IQUB: variants seen among roughly 807,000 people sequenced by gnomAD.
The protein encoded by IQUB is IQ motif and ubiquitin-like domain-containing protein.
Under a neutral mutation model 86.4 loss-of-function variants are expected in IQUB, and 86 were observed. That is an observed-to-expected ratio of 1.00 (90% CI 0.84 to 1.19). The LOEUF is 1.19. IQUB is among the 50% of genes most tolerant of loss of function. The probability of loss-of-function intolerance (pLI) is 0.00; values close to 1 mark genes in which losing one functional copy is unlikely to be tolerated. For missense variants in IQUB, 946 were observed against 916.9 expected, an observed-to-expected ratio of 1.03 and a Z score of -0.41; for synonymous variants, 289 against 304.5, an observed-to-expected ratio of 0.95 and a Z score of 0.53.
intron 8 of IQUB, among the ~76,000 whole-genome samples, chr7:123,475,367 A>G (rs934985332): frequency 1.5e-5 from 2 of 129,470 alleles, no homozygotes; most frequent in Admixed American, 9.0e-5. Context: ...AAATTTCTCC[A>G]TTTCACTTTT....
At chr7:123,481,839 A>C (rs1306338583) in intron 7 of IQUB, among the ~76,000 whole-genome samples, 1 of 152,160 alleles carries the variant, frequency 6.6e-6, no homozygotes, top group Non-Finnish European at 1.5e-5. Context: ...AATATTTTAA[A>C]TAGTGCAGAA....
chr7:123,508,803 T>C (rs1796298883), intron 3 of IQUB, among the ~76,000 whole-genome samples: 1 of 152,158 alleles, frequency 6.6e-6, no homozygotes, highest in African/African-American at 2.4e-5. Flanking sequence ...GTTTCTTGAG[T>C]TTTGGGTTTC....
At chr7:123,480,079 A>G in intron 7 of IQUB, 109 bp from the exon 8 acceptor site, 2 of 781,984 alleles carry the variant, frequency 2.6e-6, no homozygotes, top group Non-Finnish European at 4.0e-6. Context: ...AAAAGTATAC[A>G]CAGATAGAAT....
intron 10 of IQUB, 22 bp from the exon 11 acceptor site, chr7:123,461,627 A>G (rs1434788533): frequency 1.3e-6 from 2 of 1,518,846 alleles, no homozygotes; most frequent in Non-Finnish European, 1.8e-6. Flanking sequence ...GTAAAAAAAG[A>G]AAAAAAAGGT....
Position 123,509,901 on chromosome 7 carries a change from C to T in IQUB, c.532G>A (p.Gly178Arg), listed in dbSNP as rs1796342532. The T allele has an allele frequency of 6.3e-7, 1 of 1,599,002 alleles. No individual in the cohort carries two copies. Among genetic ancestry groups the T allele is most frequent in the Non-Finnish European group, 8.5e-7 (1 of 1,175,486 alleles). ...ATGTTTTATTAGCCTCCAAACTTAC[C>T]TGAGTATCTTATCTGCAGTACAGAA... is the stretch of plus-strand genomic sequence containing the variant. ...PHSVLQIRYS[G>R]KILKNNETLV... Residue 178 changes from glycine (G) to arginine (R), a missense_variant and splice_region_variant, in exon 3 of 13, where the codon GGA becomes AGA. Gly to Arg is a moderately radical substitution (Grantham distance 125, BLOSUM62 -2). Transcript: ENST00000324698.
chr7:123,515,398 T>C (rs28503311), intron 1 of IQUB, among the ~76,000 whole-genome samples: 41,224 of 152,094 alleles, frequency 0.27, 5,723 homozygotes, highest in East Asian at 0.32. Flanking sequence ...GGACTTATAT[T>C]CAGACTATAT....
At chr7:123,493,611 G>C (rs1049985216) in intron 7 of IQUB, among the ~76,000 whole-genome samples, 1 of 152,036 alleles carries the variant, frequency 6.6e-6, no homozygotes, top group Admixed American at 6.6e-5. Flanking sequence ...TTTCATAGGA[G>C]TTTAAAATGG....
intron 6 of IQUB, among the ~76,000 whole-genome samples, chr7:123,498,776 C>A (rs1433449914): frequency 2.0e-5 from 3 of 152,180 alleles, no homozygotes; most frequent in Non-Finnish European, 4.4e-5. Context: ...GTAAGTGGCT[C>A]ACATTGTCCC....
At chr7:123,464,812 A>G (rs1251955350) in intron 10 of IQUB, 21 bp downstream of exon 10, 1 of 1,484,498 alleles carries the variant, frequency 6.7e-7, no homozygotes, top group Non-Finnish European at 9.1e-7. Flanking sequence ...AAACAGGAAT[A>G]TAGAGAAAAA....
intron 1 of IQUB, among the ~76,000 whole-genome samples, chr7:123,526,243 T>A (rs1403058059): frequency 6.6e-6 from 1 of 152,166 alleles, no homozygotes; most frequent in Non-Finnish European, 1.5e-5. Context: ...CTGAGTTCAA[T>A]TCCTGGGTAT....
chr7:123,480,716 T>C (rs1470126864), intron 7 of IQUB, among the ~76,000 whole-genome samples: 1 of 152,126 alleles, frequency 6.6e-6, no homozygotes, highest in African/African-American at 2.4e-5. Context: ...GTAGAATTGT[T>C]GATTTCAGTC....
intron 1 of IQUB, among the ~76,000 whole-genome samples, chr7:123,523,555 T>G (rs1268618763): frequency 6.6e-5 from 10 of 152,120 alleles, no homozygotes; most frequent in Non-Finnish European, 1.3e-4. Context: ...GGGTAGTTTG[T>G]TTTTTTCTTG....
At chr7:123,523,128 G>A (rs1327490248) in intron 1 of IQUB, among the ~76,000 whole-genome samples, 2 of 151,660 alleles carry the variant, frequency 1.3e-5, no homozygotes, top group Non-Finnish European at 2.9e-5. Flanking sequence ...GTTGGTTCCA[G>A]GTCTTTGCTA....
intron 1 of IQUB, among the ~76,000 whole-genome samples, chr7:123,525,042 G>C (rs1797125425): frequency 6.6e-6 from 1 of 152,172 alleles, no homozygotes; most frequent in East Asian, 1.9e-4. Flanking sequence ...TGTATCCCAG[G>C]GATGAAGCCC....
At chr7:123,528,730 T>A (rs976463361) in intron 1 of IQUB, among the ~76,000 whole-genome samples, 2 of 152,216 alleles carry the variant, frequency 1.3e-5, no homozygotes, top group East Asian at 3.8e-4. Flanking sequence ...TAACTAACAA[T>A]TTTGCCATCA....
At chr7:123,502,024 T>A (rs1048021676) in intron 6 of IQUB, 5 of 152,348 alleles carry the variant, frequency 3.3e-5, no homozygotes, top group Non-Finnish European at 5.9e-5. Context: ...TCACTACAAG[T>A]TTGTCTCTAA....
At chr7:123,459,141 T>C (rs1563426296) in intron 11 of IQUB, among the ~76,000 whole-genome samples, 1 of 151,916 alleles carries the variant, frequency 6.6e-6, no homozygotes, top group East Asian at 1.9e-4. Flanking sequence ...GGAAAAGTAA[T>C]AGACCAAAAC....
Position 123,452,650 on chromosome 7 carries a change from A to G in IQUB, c.*93T>C, listed in dbSNP as rs1228428670. The stretch of plus-strand genomic sequence containing the variant: ...AAAACAAAAAACAAAATCAATAAAC[A>G]GATTAAATTCCATTTCCATACTCTG... On this transcript the variant is annotated 3_prime_UTR_variant, in exon 13 of 13. Coordinates refer to ENST00000324698, the MANE Select transcript of IQUB (RefSeq NM_178827.5). 6 of 746,964 alleles carry G rather than the reference A, an allele frequency of 8.0e-6. No homozygotes were observed. Among genetic ancestry groups the G allele is most frequent in the Non-Finnish European group, 1.2e-5 (6 of 499,768 alleles). 46.3% of individuals were successfully genotyped at this position (746,964 alleles called of 1,614,324 possible). A position where few individuals can be genotyped will look rare whatever the true frequency, so the allele number is the denominator to read the frequency against.
At position 123,502,763 on chromosome 7, in the gene IQUB, A is replaced by G; in HGVS notation, c.868-11T>C. 6.3e-7 allele frequency: 1 copy of G among 1,576,760 alleles called. No individual in the cohort carries two copies. Among genetic ancestry groups the G allele is most frequent in the East Asian group, 2.3e-5 (1 of 44,364 alleles). Reference sequence around the variant, plus strand: ...TTTCTGAAAAACTGTCTAAAAGAAAACATTAAAAATTTAAATCAGTATCCC... The same window carrying G: ...TTTCTGAAAAACTGTCTAAAAGAAAGCATTAAAAATTTAAATCAGTATCCC... On this transcript the variant is annotated splice_polypyrimidine_tract_variant and intron_variant, in intron 5 of 12. Coordinates refer to ENST00000324698, the MANE Select transcript of IQUB (RefSeq NM_178827.5).
Sources: gnomAD v4.1 joint callset for allele counts (sites outside exome capture counted in the v4.1 genomes callset) on GRCh38, gnomAD v4.1.1 for gene constraint, MANE v1.5 for transcripts, NCBI Gene and HGNC (gene_info 2026-07-23, HGNC 2026-07-21) for gene names.